CAMSAP1: variants seen among roughly 807,000 people sequenced by gnomAD.
CAMSAP1 encodes the protein calmodulin regulated spectrin associated protein 1.
A neutral mutation model predicts 143.5 loss-of-function variants in CAMSAP1; 58 were observed. The observed-to-expected ratio is 0.40, with a 90% CI of 0.33 to 0.50. The LOEUF (loss-of-function observed/expected upper bound fraction) is 0.50. Ranked by LOEUF, CAMSAP1 falls within the 20% of genes least tolerant of loss-of-function variation. The pLI is 0.45. For synonymous variants in CAMSAP1, 945 were observed against 859.3 expected (o/e 1.10, Z -1.74); for missense variants, 1,969 against 2,115.7 (o/e 0.93, Z 1.36).
intron 1 of CAMSAP1, among the ~76,000 whole-genome samples, chr9:135,902,962 A>G (rs1209180273): frequency 1.3e-5 from 2 of 152,160 alleles, no homozygotes; most frequent in Non-Finnish European, 2.9e-5. Flanking sequence ...ACTGAGCTAC[A>G]CCGCCGACAT....
intron 1 of CAMSAP1, among the ~76,000 whole-genome samples, chr9:135,889,530 A>G (rs1838226058): frequency 6.6e-6 from 1 of 152,240 alleles, no homozygotes. Flanking sequence ...GAGAACTCCC[A>G]GCAAAGAGAA....
intron 1 of CAMSAP1, among the ~76,000 whole-genome samples, chr9:135,898,121 A>T (rs545779197): frequency 1.3e-5 from 2 of 152,164 alleles, no homozygotes; most frequent in Admixed American, 6.5e-5. Context: ...GAAAAAGAAG[A>T]CCAAAATAAA....
chr9:135,830,780 G>A (rs956685509), intron 7 of CAMSAP1, among the ~76,000 whole-genome samples: 2 of 152,162 alleles, frequency 1.3e-5, no homozygotes, highest in Non-Finnish European at 2.9e-5. Flanking sequence ...CTCCAGAACA[G>A]ATCATATGTT....
chr9:135,823,184 T>C lies in CAMSAP1; in HGVS notation c.1477A>G (p.Ile493Val), dbSNP rs770973706. Residue 493 changes from isoleucine (I) to valine (V), a missense_variant, in exon 11 of 17, where the codon ATC becomes GTC. Around this residue, in one of 4 missense-constraint regions of CAMSAP1, gnomAD observed 1,390 missense variants for 1,420.8 expected, o/e 0.98. Coordinates refer to ENST00000389532, the MANE Select transcript of CAMSAP1 (RefSeq NM_015447.4). ...CEVDPSSGDS[I>V]SLARSISKDS... Reference sequence around the variant, plus strand: ...TTGCTGATGGAGCGGGCCAAGCTGATGCTGTCGCCAGAGCTGGGATCCACT... The same window carrying C: ...TTGCTGATGGAGCGGGCCAAGCTGACGCTGTCGCCAGAGCTGGGATCCACT... The C allele has an allele frequency of 1.3e-6, 2 of 1,599,980 alleles. No homozygotes were observed. The highest frequency in any genetic ancestry group is 4.5e-5 in the East Asian group (2 of 44,690).
Position 135,868,609 on chromosome 9 carries a change from ATTTTTTTT to A in CAMSAP1, c.586-2081_586-2074del, listed in dbSNP as rs767495608. 5.3e-5 allele frequency among the ~76,000 whole-genome samples: 5 copies of A among 93,476 alleles called. No homozygotes were observed. In the East Asian group the frequency reaches 1.3e-3, roughly 25 times the overall value. 61.3% of individuals were successfully genotyped at this position (93,476 alleles called of 152,430 possible). A position where few individuals can be genotyped will look rare whatever the true frequency, so the allele number is the denominator to read the frequency against. On this transcript the variant is annotated intron_variant, in intron 3 of 16. Transcript: ENST00000389532. ...AAAGGCTTTTCTGATGAGATTGGCA[ATTTTTTTT>A]TTTTTTTTTTTTTTTTTTGAGATGG...
chr9:135,871,380 G>A (rs972988365), intron 3 of CAMSAP1, among the ~76,000 whole-genome samples: 10 of 151,984 alleles, frequency 6.6e-5, no homozygotes, highest in Non-Finnish European at 1.3e-4. Flanking sequence ...TGTAGATGGG[G>A]TCTCACTATG....
At position 135,821,150 on chromosome 9, in the gene CAMSAP1, G is replaced by A. The variant is rs768371137; in HGVS notation, c.3511C>T (p.Leu1171Phe). 6.2e-7 allele frequency: 1 copy of A among 1,612,390 alleles called. No individual in the cohort carries two copies. Among genetic ancestry groups the A allele is most frequent in the Non-Finnish European group, 8.5e-7 (1 of 1,179,894 alleles). ...GTCCGCTGATTGCTTTCATCATGGAGCCTGTAACTGTCGAAGAGACACTTC... is the reference window on the plus strand; with the variant it reads ...GTCCGCTGATTGCTTTCATCATGGAACCTGTAACTGTCGAAGAGACACTTC... ...HGKCLFDSYR[L>F]HDESNQRTLT... The change falls in exon 11 of 17, where the codon CTC (leucine) becomes TTC (phenylalanine). Residue 1171 changes from leucine to phenylalanine, a missense_variant. Transcript: ENST00000389532. This position sits in a 1 kb window ranked among gnomAD's most constrained non-coding sequence, Gnocchi z 4.6.
rs1008970647 is a variant in CAMSAP1, at chr9:135,830,012, T to C, written c.1046-2428A>G. ...TATAAGTGAAGGTGAGTTGTCATCA[T>C]CTTAAAACAGACAACTGTATCTTAT... On this transcript the variant is annotated intron_variant, in intron 7 of 16. Coordinates refer to ENST00000389532, the MANE Select transcript of CAMSAP1 (RefSeq NM_015447.4). 4.6e-5 allele frequency among the ~76,000 whole-genome samples: 7 copies of C among 152,086 alleles called. 1 individual carries two copies. The highest frequency in any genetic ancestry group is 4.6e-4 in the Admixed American group (7 of 15,268).
At chr9:135,870,879 T>G (rs1318678817) in intron 3 of CAMSAP1, among the ~76,000 whole-genome samples, 29 of 152,226 alleles carry the variant, frequency 1.9e-4, no homozygotes, top group Non-Finnish European at 2.9e-4. Flanking sequence ...GTAAATTATA[T>G]CTCAATTTCT....
At chr9:135,903,476 A>C (rs1054679782) in intron 1 of CAMSAP1, among the ~76,000 whole-genome samples, 2 of 152,276 alleles carry the variant, frequency 1.3e-5, no homozygotes, top group Admixed American at 6.5e-5. Context: ...GTGTTTCTGC[A>C]CAGCCATATG....
In CAMSAP1 at chr9:135,878,454, G is replaced by A. The variant is rs77713250; in HGVS notation, c.585+3179C>T. Reference sequence around the variant, plus strand: ...ACTCAAATGCACCTGCGCACAGCAGGCATCTTGGAAACATGGTATCTATGC... The same window carrying A: ...ACTCAAATGCACCTGCGCACAGCAGACATCTTGGAAACATGGTATCTATGC... On this transcript the variant is annotated intron_variant, in intron 3 of 16. Transcript: ENST00000389532. Among the ~76,000 whole-genome samples, 1,291 of 152,342 alleles carry A rather than the reference G, an allele frequency of 8.5e-3. 26 individuals are homozygous for A. The highest frequency in any genetic ancestry group is 0.03 in the African/African-American group (1,230 of 41,574).
intron 7 of CAMSAP1, among the ~76,000 whole-genome samples, chr9:135,845,244 A>C (rs1836509339): frequency 6.6e-6 from 1 of 152,238 alleles, no homozygotes; most frequent in Non-Finnish European, 1.5e-5. Flanking sequence ...TCCATCACAT[A>C]AACAGAGCCA....
At chr9:135,867,561 T>A (rs1346628540) in intron 3 of CAMSAP1, among the ~76,000 whole-genome samples, 1 of 151,996 alleles carries the variant, frequency 6.6e-6, no homozygotes, top group East Asian at 1.9e-4. Flanking sequence ...ACAGTCATAT[T>A]TTTGGAGGAA....
intron 1 of CAMSAP1, among the ~76,000 whole-genome samples, chr9:135,896,136 A>G (rs1397672547): frequency 6.6e-6 from 1 of 152,250 alleles, no homozygotes; most frequent in Non-Finnish European, 1.5e-5. Context: ...ATTAAAAAAC[A>G]TAACATCATT....
chr9:135,844,907 C>T (rs1264855405), intron 7 of CAMSAP1, among the ~76,000 whole-genome samples: 1 of 152,150 alleles, frequency 6.6e-6, no homozygotes, highest in Admixed American at 6.5e-5. Flanking sequence ...AGCCCAGGAA[C>T]AGACGGATTC....
rs1838805083 is a variant in CAMSAP1, at chr9:135,907,009, A to C, written c.151T>G (p.Tyr51Asp). ...CCCTCACCCGGCCCACCTCGGCCGT[A>C]GGCCTTGGCGCAGATCCACTGCAGG... ...ANLQWICAKAYGRDNIPEDLR... is the reference protein window; with the variant it reads ...ANLQWICAKADGRDNIPEDLR... Residue 51 changes from tyrosine to aspartate, a missense_variant, in exon 1 of 17, where the codon TAC becomes GAC. Physicochemically the swap from Tyr to Asp is radical, Grantham distance 160. Transcript: ENST00000389532. 1 of 1,132,170 alleles carries C rather than the reference A, an allele frequency of 8.8e-7. No individual in the cohort carries two copies. The highest frequency in any genetic ancestry group is 4.4e-5 in the Admixed American group (1 of 22,582). 70.1% of individuals were successfully genotyped at this position (1,132,170 alleles called of 1,614,324 possible).
Position 135,815,184 on chromosome 9 carries a change from T to C in CAMSAP1, c.4419A>G (p.Lys1473=). 6.2e-7 allele frequency: 1 copy of C among 1,613,734 alleles called. No individual in the cohort carries two copies. Among genetic ancestry groups the C allele is most frequent in the Non-Finnish European group, 8.5e-7 (1 of 1,179,802 alleles). Residue 1473 remains lysine (K), a synonymous_variant, in exon 16 of 17, where the codon AAA becomes AAG. Transcript: ENST00000389532. ...CATTGTGAATAATCGGCTTGTTTGA[T>C]TTACTACTGGGCTCCTTAAAGAGCT... ...GPKLFKEPSS[K]SNKPIIHNAI...
chr9:135,905,869 T>C (rs1838761439), intron 1 of CAMSAP1, among the ~76,000 whole-genome samples: 1 of 152,218 alleles, frequency 6.6e-6, no homozygotes, highest in African/African-American at 2.4e-5. Flanking sequence ...ACCTACATCT[T>C]ACCAATTCCG....
At position 135,901,458 on chromosome 9, in the gene CAMSAP1, C is replaced by T. The variant is rs373829014; in HGVS notation, c.160+5542G>A. Among the ~76,000 whole-genome samples the T allele has an allele frequency of 1.7e-4, 26 of 152,046 alleles. 1 individual carries two copies. In the East Asian group the frequency reaches 3.9e-3, roughly 23 times the overall value. On this transcript the variant is annotated intron_variant, in intron 1 of 16. Coordinates refer to ENST00000389532, the MANE Select transcript of CAMSAP1 (RefSeq NM_015447.4). Reference sequence around the variant, plus strand: ...ACCTCTACAAAAAATAATAATTAACCGGACCAGGAGGTGCAGGCCTGTGGT... The same window carrying T: ...ACCTCTACAAAAAATAATAATTAACTGGACCAGGAGGTGCAGGCCTGTGGT...
Sources: allele counts gnomAD v4.1 joint callset (sites outside exome capture counted in the v4.1 genomes callset), GRCh38; gene constraint gnomAD v4.1.1; regional missense constraint gnomAD v4.1.1; non-coding constraint Gnocchi (gnomAD v3.1); transcripts MANE v1.5; gene names NCBI Gene and HGNC (gene_info 2026-07-23, HGNC 2026-07-21).